Variants in ZFAT observed in about 807,000 individuals in gnomAD.
The protein encoded by ZFAT is zinc finger and AT-hook domain containing, also known as zinc finger protein ZFAT.
Under a neutral mutation model 117.7 loss-of-function variants are expected in ZFAT, and 64 were observed. That is an observed-to-expected ratio of 0.54 (90% CI 0.44 to 0.67). The LOEUF (loss-of-function observed/expected upper bound fraction) is 0.67, where lower values mean the gene tolerates loss of function less well. Among genes scored for constraint, ZFAT ranks in the 30% least tolerant of loss-of-function variants. The probability of loss-of-function intolerance (pLI) is 0.00; values close to 1 mark genes in which losing one functional copy is unlikely to be tolerated. For missense variants in ZFAT, 1,433 were observed against 1,584.5 expected (o/e 0.90, Z 1.62); for synonymous variants, 679 against 615.0 (o/e 1.10, Z -1.54).
chr8:134,696,643 T>A (rs576916339), intron 1 of ZFAT: 17 of 979,302 alleles, frequency 1.7e-5, no homozygotes, highest in Non-Finnish European at 1.9e-5. Context: ...CCTGCCCAGG[T>A]GGGACAGGGC....
chr8:134,712,835 C>G lies in ZFAT; in HGVS notation c.19+10G>C. On this transcript the variant is annotated intron_variant, in intron 1 of 15. Coordinates refer to ENST00000377838, the MANE Select transcript of ZFAT (RefSeq NM_020863.4). Reference sequence around the variant, plus strand: ...CACCCCGTCTCACCCCAACCCCCAGCCCGGCTCACCTGCCGCCCGCGTCTC... The same window carrying G: ...CACCCCGTCTCACCCCAACCCCCAGGCCGGCTCACCTGCCGCCCGCGTCTC... 1 of 1,500,204 alleles carries G rather than the reference C, an allele frequency of 6.7e-7. No homozygotes were observed. The highest frequency in any genetic ancestry group is 1.3e-5 in the South Asian group (1 of 79,892). The allele number at this position is 1,500,204 out of a possible 1,614,324, so 92.9% of individuals were successfully genotyped here. A position where few individuals can be genotyped will look rare whatever the true frequency, so the allele number is the denominator to read the frequency against.
chr8:134,665,764 G>A (rs1318378623), intron 1 of ZFAT, among the ~76,000 whole-genome samples: 1 of 152,046 alleles, frequency 6.6e-6, no homozygotes, highest in Non-Finnish European at 1.5e-5. Context: ...ACAGGAGAAG[G>A]GGGATGAATA....
chr8:134,564,765 G>T (rs11166592), intron 11 of ZFAT, among the ~76,000 whole-genome samples: 90,314 of 152,070 alleles, frequency 0.59, 27,508 homozygotes, highest in African/African-American at 0.71. Context: ...GGACCCTAGT[G>T]ATTGTTGTCA....
intron 1 of ZFAT, among the ~76,000 whole-genome samples, chr8:134,668,519 C>T (rs1205272108): frequency 6.6e-6 from 1 of 152,230 alleles, no homozygotes; most frequent in Non-Finnish European, 1.5e-5. Flanking sequence ...CCAGCAAACT[C>T]CAACAGACCT....
intron 15 of ZFAT, among the ~76,000 whole-genome samples, chr8:134,494,318 T>C (rs1818269937): frequency 6.6e-6 from 1 of 152,184 alleles, no homozygotes; most frequent in African/African-American, 2.4e-5. Context: ...CCCGTGACCA[T>C]CCTTGCAGGC....
chr8:134,494,705 C>T lies in ZFAT; in HGVS notation c.3492+14914G>A, dbSNP rs1255988126. 2.0e-5 allele frequency among the ~76,000 whole-genome samples: 3 copies of T among 152,284 alleles called. No homozygotes were observed. In the East Asian group the frequency reaches 5.8e-4, roughly 29 times the overall value. ...TTGCCCAAGGTAGAAAAACCAAACT[C>T]CCAGGAATAAAGTGTTTTTATTTTT... On this transcript the variant is annotated intron_variant, in intron 15 of 15. Coordinates refer to ENST00000377838, the MANE Select transcript of ZFAT (RefSeq NM_020863.4).
intron 3 of ZFAT, among the ~76,000 whole-genome samples, chr8:134,622,120 T>C (rs73367194): frequency 0.065 from 9,866 of 152,254 alleles, 1,096 homozygotes; most frequent in African/African-American, 0.22. Flanking sequence ...CCCAATTATA[T>C]ACATGAAAGT....
the ZFAT span, among the ~76,000 whole-genome samples, chr8:134,731,095 T>C: frequency 6.6e-6 from 1 of 152,142 alleles, no homozygotes; most frequent in South Asian, 2.1e-4. Flanking sequence ...ACACAGACAA[T>C]AGCAAGTGTC....
At chr8:134,675,317 T>C (rs555041728) in intron 1 of ZFAT, among the ~76,000 whole-genome samples, 80 of 152,036 alleles carry the variant, frequency 5.3e-4, no homozygotes, top group African/African-American at 1.8e-3. Context: ...TATACAAGTA[T>C]CAATAGCCAA....
rs189578312 is a variant in ZFAT, at chr8:134,599,570, G to T, written c.2475+866C>A. On this transcript the variant is annotated intron_variant, in intron 7 of 15. Coordinates refer to ENST00000377838, the MANE Select transcript of ZFAT (RefSeq NM_020863.4). ...CCAGGTATCCAACCCCAAAGCCCAT[G>T]CTCTGACCTACTCACCACACCCAAA... is the stretch of plus-strand genomic sequence containing the variant. 613 of 350,040 alleles carry T rather than the reference G, an allele frequency of 1.8e-3. 4 individuals are homozygous for T. Among genetic ancestry groups the T allele is most frequent in the African/African-American group, 0.012 (544 of 45,916 alleles). The allele number at this position is 350,040 out of a possible 1,614,324, so 21.7% of individuals were successfully genotyped here.
intron 1 of ZFAT, among the ~76,000 whole-genome samples, chr8:134,672,108 T>G (rs1832589055): frequency 6.6e-6 from 1 of 152,154 alleles, no homozygotes; most frequent in Admixed American, 6.5e-5. Context: ...TAAAAGAGGA[T>G]ACAAACAAAT....
chr8:134,564,921 A>G, intron 11 of ZFAT: 1 of 1,201,442 alleles, frequency 8.3e-7, no homozygotes, highest in Non-Finnish European at 1.1e-6. Context: ...TCCCGAACAC[A>G]ATCTCCAGTT....
chr8:134,565,438 G>C lies in ZFAT; in HGVS notation c.2888-17C>G, dbSNP rs749758911. On this transcript the variant is annotated splice_polypyrimidine_tract_variant and intron_variant, in intron 10 of 15. Transcript: ENST00000377838. Reference sequence around the variant, plus strand: ...ACTGCTTCCCTGGAAAGAAGCGGAGGACAAGATGAGCGTCGCCAGGCCAAC... The same window carrying C: ...ACTGCTTCCCTGGAAAGAAGCGGAGCACAAGATGAGCGTCGCCAGGCCAAC... The C allele has an allele frequency of 1.2e-6, 2 of 1,610,724 alleles. No homozygotes were observed. Among genetic ancestry groups the C allele is most frequent in the Non-Finnish European group, 1.7e-6 (2 of 1,179,112 alleles).
At chr8:134,588,100 C>A in intron 9 of ZFAT, 146 bp downstream of exon 9, 2 of 961,954 alleles carry the variant, frequency 2.1e-6, no homozygotes, top group Non-Finnish European at 3.0e-6. Context: ...CTGTTTGTAG[C>A]TGGTTGATGG....
chr8:134,583,534 A>G (rs1825857061), intron 10 of ZFAT, among the ~76,000 whole-genome samples: 1 of 152,108 alleles, frequency 6.6e-6, no homozygotes, highest in African/African-American at 2.4e-5. Context: ...AAACTTCGGA[A>G]CCATGGATCA....
chr8:134,631,262 A>C (rs1025277034), intron 3 of ZFAT, among the ~76,000 whole-genome samples: 1 of 152,226 alleles, frequency 6.6e-6, no homozygotes, highest in African/African-American at 2.4e-5. Flanking sequence ...CAGAGTAGAA[A>C]ATAAGCATCA....
At chr8:134,744,937 G>A in the ZFAT span, among the ~76,000 whole-genome samples, 1 of 151,284 alleles carries the variant, frequency 6.6e-6, no homozygotes, top group Non-Finnish European at 1.5e-5. Context: ...CACCATGTTA[G>A]CCAGGATGGT....
At chr8:134,656,186 G>A (rs1016095941) in intron 2 of ZFAT, among the ~76,000 whole-genome samples, 4 of 152,160 alleles carry the variant, frequency 2.6e-5, no homozygotes, top group African/African-American at 9.7e-5. Flanking sequence ...GCACCAAGGA[G>A]GTTCTGACTC....
At chr8:134,828,472 C>G in the ZFAT span, among the ~76,000 whole-genome samples, 4 of 152,296 alleles carry the variant, frequency 2.6e-5, no homozygotes, top group African/African-American at 9.6e-5. Context: ...ATCCTTCAAA[C>G]CCCTTCTCTA....
Sources: allele counts gnomAD v4.1 joint callset (sites outside exome capture counted in the v4.1 genomes callset), GRCh38; gene constraint gnomAD v4.1.1; transcripts MANE v1.5; gene names NCBI Gene and HGNC (gene_info 2026-07-23, HGNC 2026-07-21).